CALN1: variants seen among roughly 807,000 people sequenced by gnomAD.
CALN1 encodes the protein calneuron 1, also known as calcium-binding protein 8.
In CALN1, 17 loss-of-function variants were observed where a neutral mutation model predicts 30.6. The observed-to-expected ratio is 0.56, with a 90% CI of 0.38 to 0.83. CALN1 has a LOEUF of 0.83. Ranked by LOEUF, CALN1 falls within the 40% of genes least tolerant of loss-of-function variation. The probability of loss-of-function intolerance (pLI) is 0.00; values close to 1 mark genes in which losing one functional copy is unlikely to be tolerated. For missense variants in CALN1, 291 were observed against 354.9 expected, an observed-to-expected ratio of 0.82 and a Z score of 1.45; for synonymous variants, 156 against 131.4, an observed-to-expected ratio of 1.19 and a Z score of -1.28.
intron 5 of CALN1, among the ~76,000 whole-genome samples, chr7:71,812,858 C>T (rs1409746055): frequency 6.6e-6 from 1 of 151,720 alleles, no homozygotes; most frequent in Non-Finnish European, 1.5e-5. Flanking sequence ...ATCCTCCTGC[C>T]TCATCCTCCT....
intron 2 of CALN1, among the ~76,000 whole-genome samples, chr7:72,392,835 T>TAA (rs11413695): frequency 4.1e-4 from 61 of 149,862 alleles, no homozygotes; most frequent in Middle Eastern, 3.4e-3. Flanking sequence ...CCTGTTTCAT[T>TAA]AAAAAAAAAA....
intron 2 of CALN1, among the ~76,000 whole-genome samples, chr7:72,285,935 GA>G: frequency 6.6e-6 from 1 of 152,252 alleles, no homozygotes; most frequent in South Asian, 2.1e-4. Flanking sequence ...AAAGGTTAAA[GA>G]GCCTAACCAG....
chr7:72,240,464 G>C (rs1794754669), intron 3 of CALN1, among the ~76,000 whole-genome samples: 1 of 152,188 alleles, frequency 6.6e-6, no homozygotes, highest in Admixed American at 6.5e-5. Context: ...CAAAGCGCTG[G>C]TGTTACAGGT....
At chr7:72,394,549 GA>G (rs557039748) in intron 2 of CALN1, among the ~76,000 whole-genome samples, 37 of 151,284 alleles carry the variant, frequency 2.4e-4, no homozygotes, top group Non-Finnish European at 4.7e-4. Flanking sequence ...ACTGTTGAGT[GA>G]AAAAAAAGTT....
chr7:72,180,213 G>C (rs1562697571), intron 3 of CALN1, among the ~76,000 whole-genome samples: 1 of 152,156 alleles, frequency 6.6e-6, no homozygotes, highest in South Asian at 2.1e-4. Flanking sequence ...CTAGAGCTTT[G>C]AATAGATTCA....
At chr7:72,026,563 C>T (rs143548411) in intron 4 of CALN1, among the ~76,000 whole-genome samples, 9 of 151,524 alleles carry the variant, frequency 5.9e-5, no homozygotes, top group East Asian at 4.0e-4. Flanking sequence ...CCAGCCTGGG[C>T]GACAGAGCAA....
intron 3 of CALN1, among the ~76,000 whole-genome samples, chr7:72,278,456 C>G (rs1361862494): frequency 6.8e-6 from 1 of 146,208 alleles, no homozygotes; most frequent in African/African-American, 2.5e-5. Flanking sequence ...ATAGATTGCT[C>G]AGGCTATCAG....
intron 5 of CALN1, among the ~76,000 whole-genome samples, chr7:71,834,184 A>G (rs1009645428): frequency 1.7e-4 from 23 of 137,308 alleles, no homozygotes; most frequent in Non-Finnish European, 6.1e-5. Flanking sequence ...ATGCCACTGC[A>G]CTCCAGCCTG....
rs551604172 is a variant in CALN1, at chr7:71,781,957, G to A, written c.*5818C>T. Reference sequence around the variant, plus strand: ...ATAAAATTAATTTTGCCTTGGAGACGTTTTGAACAGTATTGTCATGTCTCT... The same window carrying A: ...ATAAAATTAATTTTGCCTTGGAGACATTTTGAACAGTATTGTCATGTCTCT... On this transcript the variant is annotated 3_prime_UTR_variant, in exon 7 of 7. Transcript: ENST00000395275. 4.6e-5 allele frequency: 7 copies of A among 152,272 alleles called. No homozygotes were observed. The highest frequency in any genetic ancestry group is 1.3e-4 in the Admixed American group (2 of 15,298). The allele number at this position is 152,272 out of a possible 1,614,324, so 9.4% of individuals were successfully genotyped here. A position where few individuals can be genotyped will look rare whatever the true frequency, so the allele number is the denominator to read the frequency against.
At position 71,847,847 on chromosome 7, in the gene CALN1, G is replaced by GAGAAGAAGAAGAAGAAGA. The variant is rs66530230; in HGVS notation, c.502-37356_502-37355insTCTTCTTCTTCTTCTTCT. ...GGAGAAGGAGAAGGAGAAGGAGAAG[G>GAGAAGAAGAAGAAGAAGA]AGAAGAAGAAGAGGAAAGTTTTCCC... On this transcript the variant is annotated intron_variant, in intron 5 of 6. Coordinates refer to ENST00000395275, the MANE Select transcript of CALN1 (RefSeq NM_031468.4). Among the ~76,000 whole-genome samples the GAGAAGAAGAAGAAGAAGA allele has an allele frequency of 3.0e-4, 40 of 134,892 alleles. 1 individual carries two copies. In the East Asian group the frequency reaches 3.2e-3, roughly 11 times the overall value. The allele number at this position is 134,892 out of a possible 152,430, so 88.5% of individuals were successfully genotyped here. A position where few individuals can be genotyped will look rare whatever the true frequency, so the allele number is the denominator to read the frequency against.
intron 3 of CALN1, among the ~76,000 whole-genome samples, chr7:72,207,365 G>A (rs958867447): frequency 6.6e-6 from 1 of 152,100 alleles, no homozygotes; most frequent in Non-Finnish European, 1.5e-5. Flanking sequence ...TCCCTCCCTT[G>A]AACACCCTCA....
At chr7:72,345,868 T>C (rs1023727831) in intron 2 of CALN1, among the ~76,000 whole-genome samples, 4 of 152,136 alleles carry the variant, frequency 2.6e-5, no homozygotes, top group Non-Finnish European at 4.4e-5. Context: ...AGAGAACAAA[T>C]GTATAGCCAC....
intron 4 of CALN1, among the ~76,000 whole-genome samples, chr7:72,060,718 G>GTA (rs1464144019): frequency 6.6e-6 from 1 of 152,096 alleles, no homozygotes; most frequent in African/African-American, 2.4e-5. Flanking sequence ...GTGATGCATG[G>GTA]TAGTGAGTTC....
chr7:72,157,439 G>C lies in CALN1; in HGVS notation c.245-51145C>G, dbSNP rs140559530. 5.2e-3 allele frequency among the ~76,000 whole-genome samples: 790 copies of C among 152,168 alleles called. 3 individuals carry two copies. The highest frequency in any genetic ancestry group is 8.6e-3 in the Non-Finnish European group (584 of 68,018). Reference sequence around the variant, plus strand: ...CAACCTGTGCTACGGGAGGACTCAGGGGCTTCCAACAATGCCTAGTGAGAG... The same window carrying C: ...CAACCTGTGCTACGGGAGGACTCAGCGGCTTCCAACAATGCCTAGTGAGAG... On this transcript the variant is annotated intron_variant, in intron 3 of 6. Transcript: ENST00000395275.
chr7:72,164,546 C>A (rs548182911), intron 3 of CALN1, among the ~76,000 whole-genome samples: 1 of 152,302 alleles, frequency 6.6e-6, no homozygotes. Flanking sequence ...CACAGCCCAG[C>A]TGACACCTTC....
chr7:72,464,630 A>G, the CALN1 span, among the ~76,000 whole-genome samples: 10 of 152,342 alleles, frequency 6.6e-5, no homozygotes, highest in South Asian at 2.1e-3. Flanking sequence ...TTGAACCTGC[A>G]AGAGCAAAGC....
At chr7:71,939,269 T>C (rs1795999252) in intron 5 of CALN1, among the ~76,000 whole-genome samples, 1 of 151,848 alleles carries the variant, frequency 6.6e-6, no homozygotes, top group Non-Finnish European at 1.5e-5. Context: ...TTAATGTGTA[T>C]GGATGTGGCC....
At chr7:72,327,696 GT>G (rs572089418) in intron 2 of CALN1, among the ~76,000 whole-genome samples, 147 of 152,280 alleles carry the variant, frequency 9.7e-4, no homozygotes, top group African/African-American at 3.2e-3. Flanking sequence ...ATCCAATGAT[GT>G]TTGGGAAAGC....
At chr7:72,162,570 C>T (rs2079318) in intron 3 of CALN1, among the ~76,000 whole-genome samples, 37,836 of 151,184 alleles carry the variant, frequency 0.25, 5,923 homozygotes, top group East Asian at 0.67. Context: ...CCAGTTTCTA[C>T]TAAAAATACA....
Sources: allele counts gnomAD v4.1 joint callset (sites outside exome capture counted in the v4.1 genomes callset), GRCh38; gene constraint gnomAD v4.1.1; transcripts MANE v1.5; gene names NCBI Gene and HGNC (gene_info 2026-07-23, HGNC 2026-07-21).